The following ADGRL2 variants were observed in gnomAD, a reference collection of about 807,000 sequenced individuals.
ADGRL2 encodes the protein calcium-independent alpha-latrotoxin receptor 2.
A neutral mutation model predicts 157.4 loss-of-function variants in ADGRL2; 44 were observed. That is an observed-to-expected ratio of 0.28 (90% CI 0.22 to 0.36). The LOEUF (loss-of-function observed/expected upper bound fraction) is 0.36, where lower values mean the gene tolerates loss of function less well. Ranked by LOEUF, ADGRL2 falls within the 10% of genes least tolerant of loss-of-function variation. The probability of loss-of-function intolerance (pLI) is 1.00; values close to 1 mark genes in which losing one functional copy is unlikely to be tolerated. For synonymous variants in ADGRL2, 585 were observed against 624.7 expected (o/e 0.94, Z 0.95); for missense variants, 1,510 against 1,768.9 (o/e 0.85, Z 2.63).
rs144419682 is a variant in ADGRL2, at chr1:81,662,445, G to A, written c.-143+81465G>A. 8.1e-3 allele frequency among the ~76,000 whole-genome samples: 1,235 copies of A among 151,924 alleles called. 14 individuals carry two copies. Among genetic ancestry groups the A allele is most frequent in the African/African-American group, 0.028 (1,170 of 41,450 alleles). ...TAATTTTTGTATTTTTAGTGGAGACGGGGTTTCACCATGTTGGGCAGGCTG... is the reference window on the plus strand; with the variant it reads ...TAATTTTTGTATTTTTAGTGGAGACAGGGTTTCACCATGTTGGGCAGGCTG... On this transcript the variant is annotated intron_variant, in intron 3 of 24. Transcript: ENST00000370721.
chr1:81,623,717 A>G (rs1008347996), intron 3 of ADGRL2, among the ~76,000 whole-genome samples: 5 of 148,470 alleles, frequency 3.4e-5, no homozygotes, highest in Non-Finnish European at 4.4e-5. Flanking sequence ...GCTCACTGCA[A>G]CCTCTGCCTC....
At chr1:81,481,474 C>T (rs532061976) in intron 2 of ADGRL2, among the ~76,000 whole-genome samples, 5 of 152,290 alleles carry the variant, frequency 3.3e-5, no homozygotes, top group South Asian at 4.1e-4. Context: ...ATGTGGCCCT[C>T]GGCGCAGAAG....
chr1:81,478,563 G>A (rs1438507453), intron 2 of ADGRL2, among the ~76,000 whole-genome samples: 4 of 152,218 alleles, frequency 2.6e-5, no homozygotes, highest in Non-Finnish European at 5.9e-5. Context: ...GATAAGAACA[G>A]TTTGTTTCAA....
intron 2 of ADGRL2, among the ~76,000 whole-genome samples, chr1:81,857,208 C>A (rs1305132538): frequency 1.3e-5 from 2 of 152,130 alleles, no homozygotes; most frequent in African/African-American, 4.8e-5. Flanking sequence ...TTGATTCATT[C>A]CCAGGTATGC....
intron 2 of ADGRL2, among the ~76,000 whole-genome samples, chr1:81,550,497 G>T (rs1005878714): frequency 6.6e-6 from 1 of 152,250 alleles, no homozygotes; most frequent in South Asian, 2.1e-4. Context: ...AGCCCAAGAG[G>T]TGTCAGTTTA....
intron 2 of ADGRL2, among the ~76,000 whole-genome samples, chr1:81,881,724 T>C (rs760545925): frequency 6.6e-6 from 1 of 152,160 alleles, no homozygotes; most frequent in Non-Finnish European, 1.5e-5. Context: ...CACCACATAA[T>C]TGAGTATTTA....
At chr1:81,984,853 A>C in intron 20 of ADGRL2, 142 bp downstream of exon 20, 1 of 909,928 alleles carries the variant, frequency 1.1e-6, no homozygotes, top group Middle Eastern at 2.8e-4. Context: ...TTTTGGTTTC[A>C]ATGTCTTCTT....
At chr1:81,397,423 CA>C (rs1293755260) in intron 1 of ADGRL2, among the ~76,000 whole-genome samples, 1 of 147,650 alleles carries the variant, frequency 6.8e-6, no homozygotes, top group Non-Finnish European at 1.5e-5. Context: ...GGGTTCACGC[CA>C]TTCTCCTGCC....
At chr1:81,883,399 A>G (rs754290399) in intron 2 of ADGRL2, among the ~76,000 whole-genome samples, 1 of 152,258 alleles carries the variant, frequency 6.6e-6, no homozygotes, top group African/African-American at 2.4e-5. Context: ...TCTCACATCT[A>G]CTTGCATGGA....
chr1:81,541,623 T>A (rs1441993970), intron 2 of ADGRL2, among the ~76,000 whole-genome samples: 1 of 151,966 alleles, frequency 6.6e-6, no homozygotes, highest in East Asian at 1.9e-4. Context: ...TAGCAAATGA[T>A]CTCATTTAAA....
chr1:81,864,936 A>G (rs1396524295), intron 2 of ADGRL2, among the ~76,000 whole-genome samples: 1 of 152,226 alleles, frequency 6.6e-6, no homozygotes, highest in African/African-American at 2.4e-5. Flanking sequence ...CAGTGAGCCA[A>G]GATCGCACCA....
intron 1 of ADGRL2, among the ~76,000 whole-genome samples, chr1:81,383,675 A>G (rs1417453701): frequency 1.7e-4 from 25 of 151,254 alleles, no homozygotes; most frequent in Non-Finnish European, 2.2e-4. Context: ...AAAAAAAAAA[A>G]AAGAAGGCCG....
At chr1:81,378,589 C>T (rs576256394) in intron 1 of ADGRL2, among the ~76,000 whole-genome samples, 1 of 134,656 alleles carries the variant, frequency 7.4e-6, no homozygotes, top group African/African-American at 2.7e-5. Context: ...AAAAAAAAGC[C>T]CCGGTTCAAA....
At chr1:81,389,633 A>G (rs184171977) in intron 1 of ADGRL2, among the ~76,000 whole-genome samples, 87 of 152,312 alleles carry the variant, frequency 5.7e-4, no homozygotes, top group African/African-American at 2.0e-3. Flanking sequence ...CGTCCCATGT[A>G]TCATTTACCT....
At chr1:81,788,581 T>C (rs528934115) in intron 2 of ADGRL2, among the ~76,000 whole-genome samples, 1 of 152,344 alleles carries the variant, frequency 6.6e-6, no homozygotes, top group Admixed American at 6.5e-5. Flanking sequence ...GGTATTCCTT[T>C]ATAGGAATGC....
chr1:81,579,007 T>A (rs1280931397), intron 2 of ADGRL2, among the ~76,000 whole-genome samples: 1 of 152,186 alleles, frequency 6.6e-6, no homozygotes, highest in Non-Finnish European at 1.5e-5. Flanking sequence ...CATTCCCTGC[T>A]CAGAACAGTG....
rs767379951 is a variant in ADGRL2 at position 81,633,138 on chromosome 1, G to A, written c.-143+52158G>A. 5.3e-5 allele frequency among the ~76,000 whole-genome samples: 8 copies of A among 152,220 alleles called. No individual in the cohort carries two copies. In the East Asian group the frequency reaches 7.7e-4, roughly 15 times the overall value. On this transcript the variant is annotated intron_variant, in intron 3 of 24. Transcript: ENST00000370721. ...TAGTCCCAATATACAGAGAGAAACC[G>A]TGAGCTTTTATATGGGCTGCATCTT...
At chr1:81,438,801 T>A (rs2077455450) in intron 1 of ADGRL2, among the ~76,000 whole-genome samples, 1 of 152,126 alleles carries the variant, frequency 6.6e-6, no homozygotes, top group Admixed American at 6.5e-5. Context: ...TTAATACACT[T>A]CAATATATTT....
intron 2 of ADGRL2, among the ~76,000 whole-genome samples, chr1:81,786,060 C>T (rs757369224): frequency 1.3e-4 from 20 of 152,010 alleles, no homozygotes; most frequent in Non-Finnish European, 2.4e-4. Context: ...GCCATGATAG[C>T]CCCATTGCAC....
Sources: gnomAD v4.1 joint callset for allele counts (sites outside exome capture counted in the v4.1 genomes callset) on GRCh38, gnomAD v4.1.1 for gene constraint, MANE v1.5 for transcripts, NCBI Gene and HGNC (gene_info 2026-07-23, HGNC 2026-07-21) for gene names.